SV2C: variants seen among roughly 807,000 people sequenced by gnomAD.
The protein encoded by SV2C is solute carrier family 22 member B3.
A neutral mutation model predicts 79.7 loss-of-function variants in SV2C; 49 were observed. That is an observed-to-expected ratio of 0.61 (90% CI 0.49 to 0.78). The LOEUF (loss-of-function observed/expected upper bound fraction) is 0.78. Ranked by LOEUF, SV2C falls within the 30% of genes least tolerant of loss-of-function variation. The pLI is 0.00. For missense variants in SV2C, 833 were observed against 912.9 expected, an observed-to-expected ratio of 0.91 and a Z score of 1.13; for synonymous variants, 334 against 333.2, an observed-to-expected ratio of 1.00 and a Z score of -0.03.
chr5:76,107,861 A>AG (rs1554033253), intron 1 of SV2C, among the ~76,000 whole-genome samples: 1 of 152,192 alleles, frequency 6.6e-6, no homozygotes, highest in Non-Finnish European at 1.5e-5. Flanking sequence ...TCAAAAAAAA[A>AG]CAAAAGCAAG....
At chr5:76,237,761 A>C (rs1391300400) in intron 4 of SV2C, among the ~76,000 whole-genome samples, 1 of 152,120 alleles carries the variant, frequency 6.6e-6, no homozygotes, top group African/African-American at 2.4e-5. Flanking sequence ...GCCCACTGTC[A>C]TCTAGCATCC....
intron 2 of SV2C, among the ~76,000 whole-genome samples, chr5:76,178,302 G>A (rs1251551943): frequency 1.3e-5 from 2 of 152,330 alleles, no homozygotes; most frequent in Non-Finnish European, 2.9e-5. Context: ...GAAGAGCATT[G>A]CAGAATTTGC....
chr5:76,053,619 G>A, the SV2C span, among the ~76,000 whole-genome samples: 3,406 of 152,228 alleles, frequency 0.022, 105 homozygotes, highest in African/African-American at 0.074. Flanking sequence ...GTTCCGGTTT[G>A]GAGCTATCAT....
At chr5:75,867,930 C>T in the SV2C span, among the ~76,000 whole-genome samples, 22 of 152,318 alleles carry the variant, frequency 1.4e-4, no homozygotes, top group South Asian at 1.2e-3. Flanking sequence ...AAGGCATAAA[C>T]TACACAGTCC....
chr5:76,136,551 G>A lies in SV2C; in HGVS notation c.580+4221G>A, dbSNP rs1749077091. 3.3e-5 allele frequency among the ~76,000 whole-genome samples: 5 copies of A among 151,684 alleles called. No homozygotes were observed. In the South Asian group the frequency reaches 8.3e-4, roughly 25 times the overall value. Reference sequence around the variant, plus strand: ...TATGTTTTTTTTTTTCTGTGACAAAGATACTGAATAAAATGCTATAGGATT... The same window carrying A: ...TATGTTTTTTTTTTTCTGTGACAAAAATACTGAATAAAATGCTATAGGATT... On this transcript the variant is annotated intron_variant, in intron 2 of 12. Coordinates refer to ENST00000502798, the MANE Select transcript of SV2C (RefSeq NM_014979.4).
the SV2C span, among the ~76,000 whole-genome samples, chr5:75,889,811 A>T: frequency 6.6e-6 from 1 of 152,118 alleles, no homozygotes; most frequent in South Asian, 2.1e-4. Context: ...TGTAAAACAG[A>T]AAAGGAAAGG....
At chr5:76,123,531 G>A (rs1748606081) in intron 1 of SV2C, among the ~76,000 whole-genome samples, 1 of 152,174 alleles carries the variant, frequency 6.6e-6, no homozygotes, top group East Asian at 1.9e-4. Flanking sequence ...TATCCACCAT[G>A]ATCAAGTGGG....
intron 4 of SV2C, among the ~76,000 whole-genome samples, chr5:76,257,625 G>A (rs953392702): frequency 1.3e-5 from 2 of 151,130 alleles, no homozygotes; most frequent in African/African-American, 4.9e-5. Flanking sequence ...GGTAGTGTGT[G>A]TGGGTGTGGG....
intron 4 of SV2C, among the ~76,000 whole-genome samples, chr5:76,279,386 T>C (rs1747115337): frequency 6.6e-6 from 1 of 152,126 alleles, no homozygotes; most frequent in African/African-American, 2.4e-5. Flanking sequence ...AGATGACTAA[T>C]GACCAAGATT....
In SV2C at chr5:76,325,351, C is replaced by G; in HGVS notation, c.2001-13C>G. The G allele has an allele frequency of 6.2e-7, 1 of 1,613,798 alleles. No individual in the cohort carries two copies. Among genetic ancestry groups the G allele is most frequent in the Non-Finnish European group, 8.5e-7 (1 of 1,179,812 alleles). On this transcript the variant is annotated splice_polypyrimidine_tract_variant and intron_variant, in intron 12 of 12. Transcript: ENST00000502798. ...CATTTTCTCAACCTTGTTCATGTCTCTTTCCTTTGCAGGGCAACAGGCTTT... is the reference window on the plus strand; with the variant it reads ...CATTTTCTCAACCTTGTTCATGTCTGTTTCCTTTGCAGGGCAACAGGCTTT...
rs1343643003 is a variant in SV2C at position 76,328,614 on chromosome 5, T to C, written c.*3067T>C. On this transcript the variant is annotated 3_prime_UTR_variant, in exon 13 of 13. Transcript: ENST00000502798. ...ACTAAGCGGTACAGGGACCCAGATC[T>C]TGCTGTGGAGACTGTAAGTCGTTGA... The C allele has an allele frequency of 6.6e-6, 1 of 152,250 alleles. No individual in the cohort carries two copies. Among genetic ancestry groups the C allele is most frequent in the African/African-American group, 2.4e-5 (1 of 41,462 alleles). The allele number at this position is 152,250 out of a possible 1,614,324, so 9.4% of individuals were successfully genotyped here.
At chr5:76,172,257 G>A (rs1221781758) in intron 2 of SV2C, among the ~76,000 whole-genome samples, 3 of 92,002 alleles carry the variant, frequency 3.3e-5, no homozygotes, top group Non-Finnish European at 7.1e-5. Flanking sequence ...TCGGCCCCCC[G>A]CCCGGCCAGC....
intron 2 of SV2C, among the ~76,000 whole-genome samples, chr5:76,185,490 C>T (rs780093460): frequency 1.0e-4 from 16 of 152,386 alleles, no homozygotes; most frequent in African/African-American, 3.6e-4. Flanking sequence ...CAGGAGTTTC[C>T]ATACATCCTT....
At chr5:76,121,861 TG>T (rs1394423173) in intron 1 of SV2C, among the ~76,000 whole-genome samples, 7 of 152,050 alleles carry the variant, frequency 4.6e-5, no homozygotes, top group African/African-American at 1.4e-4. Context: ...GGCTCTTTTT[TG>T]GTTCCATATG....
chr5:75,887,316 T>A, the SV2C span, among the ~76,000 whole-genome samples: 1 of 152,044 alleles, frequency 6.6e-6, no homozygotes, highest in Non-Finnish European at 1.5e-5. Flanking sequence ...GACTTATTCC[T>A]CCTGTTTAAC....
At chr5:75,907,251 G>A in the SV2C span, among the ~76,000 whole-genome samples, 1 of 152,210 alleles carries the variant, frequency 6.6e-6, no homozygotes, top group Non-Finnish European at 1.5e-5. Flanking sequence ...GACAGGTGGA[G>A]GAGCTCAGAC....
intron 4 of SV2C, chr5:76,242,238 C>T: frequency 2.9e-6 from 3 of 1,020,334 alleles, no homozygotes; most frequent in Non-Finnish European, 4.6e-6. Context: ...CTCTGTGGTT[C>T]GTCCTTCACC....
chr5:75,848,481 T>A, the SV2C span, among the ~76,000 whole-genome samples: 1 of 152,198 alleles, frequency 6.6e-6, no homozygotes, highest in Non-Finnish European at 1.5e-5. Context: ...TCACTAAAAT[T>A]TAACCTGGTA....
At chr5:75,933,714 G>T in the SV2C span, among the ~76,000 whole-genome samples, 1 of 152,192 alleles carries the variant, frequency 6.6e-6, no homozygotes, top group East Asian at 1.9e-4. Context: ...CTGCTGCCAT[G>T]CCTTCCTCCT....
Sources: allele counts gnomAD v4.1 joint callset (sites outside exome capture counted in the v4.1 genomes callset), GRCh38; gene constraint gnomAD v4.1.1; transcripts MANE v1.5; gene names NCBI Gene and HGNC (gene_info 2026-07-23, HGNC 2026-07-21).